Variants in GALNTL6 observed in about 807,000 individuals in gnomAD.
GALNTL6 encodes polypeptide N-acetylgalactosaminyltransferase-like 6.
A neutral mutation model predicts 73.7 loss-of-function variants in GALNTL6; 46 were observed. That is an observed-to-expected ratio of 0.62 (90% CI 0.49 to 0.80). The LOEUF is 0.80. Among genes scored for constraint, GALNTL6 ranks in the 30% least tolerant of loss-of-function variants. The probability of loss-of-function intolerance (pLI) is 0.00; values close to 1 mark genes in which losing one functional copy is unlikely to be tolerated. For synonymous variants in GALNTL6, 259 were observed against 263.7 expected (o/e 0.98, Z 0.17); for missense variants, 604 against 755.0 (o/e 0.80, Z 2.34).
At chr4:172,991,404 T>G (rs1751533220) in intron 10 of GALNTL6, among the ~76,000 whole-genome samples, 1 of 151,550 alleles carries the variant, frequency 6.6e-6, no homozygotes, top group Admixed American at 6.6e-5. Flanking sequence ...TTTTTTTTTG[T>G]TTTTTTTGTT....
intron 2 of GALNTL6, among the ~76,000 whole-genome samples, chr4:171,876,888 C>T (rs531416735): frequency 1.3e-5 from 2 of 152,260 alleles, no homozygotes; most frequent in South Asian, 2.1e-4. Flanking sequence ...ATTTCAACCA[C>T]GTTTGGGTGA....
rs1753116293 is a variant in GALNTL6, at chr4:173,023,829, T to C, written c.1638+2204T>C. 2.6e-5 allele frequency among the ~76,000 whole-genome samples: 4 copies of C among 152,136 alleles called. No homozygotes were observed. The South Asian group carries it at 8.3e-4, about 32-fold the overall frequency. ...AATGTATAATAAATGATTCATCTTA[T>C]CAAACTATTTTGCTATTCAACATGA... On this transcript the variant is annotated intron_variant, in intron 12 of 12. Coordinates refer to ENST00000506823, the MANE Select transcript of GALNTL6 (RefSeq NM_001034845.3).
chr4:172,840,551 C>T (rs372962461), intron 7 of GALNTL6, among the ~76,000 whole-genome samples: 6 of 152,314 alleles, frequency 3.9e-5, no homozygotes, highest in South Asian at 4.1e-4. Context: ...GACTCACACA[C>T]CAACATTTAT....
chr4:172,369,734 G>A lies in GALNTL6; in HGVS notation c.553+21045G>A, dbSNP rs146662635. ...CCAGGTGCTAAGCCCCTCACTGCCC[G>A]GGGCCGGTGGTACAGGCTGGCCACT... On this transcript the variant is annotated intron_variant, in intron 5 of 12. Coordinates refer to ENST00000506823, the MANE Select transcript of GALNTL6 (RefSeq NM_001034845.3). Among the ~76,000 whole-genome samples, 489 of 152,278 alleles carry A rather than the reference G, an allele frequency of 3.2e-3. 6 individuals carry two copies. Among genetic ancestry groups the A allele is most frequent in the African/African-American group, 0.011 (438 of 41,576 alleles).
chr4:172,323,922 A>G (rs1740846655), intron 4 of GALNTL6, among the ~76,000 whole-genome samples: 1 of 152,066 alleles, frequency 6.6e-6, no homozygotes. Context: ...TCCTTTCCAC[A>G]CAGACCCTAA....
chr4:172,699,244 G>A (rs1014368868), intron 5 of GALNTL6, among the ~76,000 whole-genome samples: 27 of 152,102 alleles, frequency 1.8e-4, no homozygotes, highest in African/African-American at 6.3e-4. Context: ...TTCAACATAT[G>A]AATTCAGGGG....
At chr4:172,835,773 G>A (rs1433408685) in intron 7 of GALNTL6, among the ~76,000 whole-genome samples, 4 of 152,174 alleles carry the variant, frequency 2.6e-5, no homozygotes, top group Non-Finnish European at 5.9e-5. Context: ...AAGTAAGACT[G>A]AGTAAGCAGA....
chr4:172,110,505 A>C (rs1429727974), intron 2 of GALNTL6, among the ~76,000 whole-genome samples: 2 of 152,170 alleles, frequency 1.3e-5, no homozygotes, highest in Non-Finnish European at 2.9e-5. Context: ...AAAAGTGCAC[A>C]TATTTCAGGA....
intron 2 of GALNTL6, among the ~76,000 whole-genome samples, chr4:171,819,920 C>T (rs2110801041): frequency 6.6e-6 from 1 of 152,224 alleles, no homozygotes; most frequent in African/African-American, 2.4e-5. Context: ...TACAAAATTA[C>T]TGTTATTAAA....
intron 3 of GALNTL6, chr4:172,266,270 A>G (rs1217940180): frequency 6.6e-6 from 1 of 152,278 alleles, no homozygotes; most frequent in Non-Finnish European, 1.5e-5. Context: ...TGGGGGATAC[A>G]TGCAGCTGGA....
intron 2 of GALNTL6, among the ~76,000 whole-genome samples, chr4:172,011,228 T>TA (rs1325100481): frequency 6.6e-6 from 1 of 152,060 alleles, no homozygotes; most frequent in Non-Finnish European, 1.5e-5. Context: ...CATACAGAAT[T>TA]ATGTGTGAGC....
chr4:172,569,404 C>T (rs899621190), intron 5 of GALNTL6, among the ~76,000 whole-genome samples: 2 of 152,110 alleles, frequency 1.3e-5, no homozygotes, highest in South Asian at 2.1e-4. Flanking sequence ...TGTCATATTA[C>T]GTTATTTTGG....
At chr4:172,959,093 A>G (rs1355432243) in intron 10 of GALNTL6, among the ~76,000 whole-genome samples, 1 of 152,152 alleles carries the variant, frequency 6.6e-6, no homozygotes, top group Non-Finnish European at 1.5e-5. Context: ...ATCCTTTTAA[A>G]GTGCGCTGCG....
intron 2 of GALNTL6, among the ~76,000 whole-genome samples, chr4:172,118,520 T>C (rs924084520): frequency 3.9e-5 from 6 of 151,926 alleles, no homozygotes; most frequent in African/African-American, 1.5e-4. Flanking sequence ...ACCAACATGG[T>C]GAAACCCCGT....
chr4:172,893,923 C>T (rs1340105210), intron 8 of GALNTL6, among the ~76,000 whole-genome samples: 2 of 152,112 alleles, frequency 1.3e-5, no homozygotes, highest in African/African-American at 2.4e-5. Context: ...TGTGGAGTCC[C>T]GGAGCTCCTT....
chr4:171,938,301 A>G (rs1051699042), intron 2 of GALNTL6, among the ~76,000 whole-genome samples: 1 of 152,154 alleles, frequency 6.6e-6, no homozygotes, highest in African/African-American at 2.4e-5. Flanking sequence ...CTGAATACAG[A>G]ATTTCTATAG....
At chr4:172,367,464 C>CTT (rs11395346) in intron 5 of GALNTL6, among the ~76,000 whole-genome samples, 2 of 151,090 alleles carry the variant, frequency 1.3e-5, no homozygotes, top group African/African-American at 4.9e-5. Context: ...CTAGAAAGAC[C>CTT]TTTTTTTTTG....
At chr4:171,869,216 G>A in intron 2 of GALNTL6, among the ~76,000 whole-genome samples, 1 of 152,146 alleles carries the variant, frequency 6.6e-6, no homozygotes, top group East Asian at 1.9e-4. Context: ...GCTCTGTTAA[G>A]TAAGTGATAA....
At chr4:171,904,265 A>G (rs1380823876) in intron 2 of GALNTL6, among the ~76,000 whole-genome samples, 1 of 152,270 alleles carries the variant, frequency 6.6e-6, no homozygotes, top group South Asian at 2.1e-4. Context: ...AGAAGAATGT[A>G]TAACTAGAGT....
Sources: allele counts gnomAD v4.1 joint callset (sites outside exome capture counted in the v4.1 genomes callset), GRCh38; gene constraint gnomAD v4.1.1; transcripts MANE v1.5; gene names NCBI Gene and HGNC (gene_info 2026-07-23, HGNC 2026-07-21).